The following BLNK variants were observed in gnomAD, a reference collection of about 807,000 sequenced individuals.
BLNK encodes B cell linker.
BLNK carries 29 observed loss-of-function variants against 73.5 expected under a neutral mutation model. That is an observed-to-expected ratio of 0.39 (90% CI 0.29 to 0.54). The LOEUF is 0.54. BLNK is among the 20% of genes least tolerant of loss of function. BLNK has a pLI of 0.61. For missense variants in BLNK, 460 were observed against 562.8 expected (o/e 0.82, Z 1.85); for synonymous variants, 176 against 200.8 (o/e 0.88, Z 1.04).
At chr10:96,202,322 G>T (rs921182423) in intron 13 of BLNK, among the ~76,000 whole-genome samples, 1 of 152,160 alleles carries the variant, frequency 6.6e-6, no homozygotes. Context: ...ACAGCAGAGT[G>T]GGGGAGGCCA....
At position 96,203,368 on chromosome 10, in the gene BLNK, T is replaced by TA. The variant is rs1189445236; in HGVS notation, c.934+688dup. On this transcript the variant is annotated intron_variant, in intron 13 of 16. Coordinates refer to ENST00000224337, the MANE Select transcript of BLNK (RefSeq NM_013314.4). The stretch of plus-strand genomic sequence containing the variant: ...ATTTAAAAAGCCAATTTATGTTTAG[T>TA]AAAAAAAATGCATAAAAATTTTGCA... Among the ~76,000 whole-genome samples, 16 of 152,170 alleles carry TA rather than the reference T, an allele frequency of 1.1e-4. No individual in the cohort carries two copies. In the South Asian group the frequency reaches 1.7e-3, roughly 16 times the overall value.
At chr10:96,204,312 T>C in intron 12 of BLNK, 1 of 704,754 alleles carries the variant, frequency 1.4e-6, no homozygotes, top group Non-Finnish European at 2.4e-6. Context: ...AAGTATTGTA[T>C]TTTAGTCAAG....
intron 8 of BLNK, among the ~76,000 whole-genome samples, chr10:96,213,491 C>T (rs971049170): frequency 9.2e-5 from 14 of 152,168 alleles, no homozygotes; most frequent in Non-Finnish European, 1.9e-4. Context: ...GTGGAGGCCT[C>T]AAGCTGGGCC....
intron 1 of BLNK, among the ~76,000 whole-genome samples, chr10:96,265,634 C>G (rs192940951): frequency 2.6e-5 from 4 of 152,278 alleles, no homozygotes; most frequent in African/African-American, 9.6e-5. Flanking sequence ...CATCCCAGAC[C>G]GGAAACCCAG....
In BLNK at chr10:96,215,360, T is replaced by G. The variant is rs2084039289; in HGVS notation, c.637A>C (p.Asn213His). The G allele has an allele frequency of 6.2e-7, 1 of 1,613,864 alleles. No individual in the cohort carries two copies. The highest frequency in any genetic ancestry group is 1.7e-5 in the Admixed American group (1 of 59,992). Residue 213 changes from asparagine (N) to histidine (H), a missense_variant, in exon 8 of 17, where the codon AAT becomes CAT. Asn to His is a moderately conservative substitution (Grantham distance 68). Around this residue, in one of 3 missense-constraint regions of BLNK, gnomAD observed 233 missense variants for 232.1 expected, o/e 1.00. Transcript: ENST00000224337. ...GGAGGAGAGGCGGGCGTTGAGGAAT[T>G]TGGCTTGGTTGATCTATTCACCATG... The part of the protein sequence containing the change: ...APMVNRSTKP[N>H]SSTPASPPGT...
At position 96,193,662 on chromosome 10, in the gene BLNK, A is replaced by C. The variant is rs146939777; in HGVS notation, c.1252-1570T>G. ...AATTCAGTGTATTTGAGACAGATAC[A>C]TTCAGTGTATTTGTGGACAGAAAAA... On this transcript the variant is annotated intron_variant, in intron 16 of 16. Transcript: ENST00000224337. Among the ~76,000 whole-genome samples the C allele has an allele frequency of 3.9e-3, 595 of 152,372 alleles. 2 individuals are homozygous for C. The highest frequency in any genetic ancestry group is 7.0e-3 in the South Asian group (34 of 4,834).
intron 2 of BLNK, 100 bp from the exon 3 acceptor site, chr10:96,242,884 T>G (rs1272683053): frequency 2.0e-5 from 19 of 967,914 alleles, no homozygotes; most frequent in Non-Finnish European, 3.2e-5. Context: ...AGACAACTAA[T>G]AGCATAATGG....
chr10:96,257,162 G>A (rs921395968), intron 1 of BLNK, among the ~76,000 whole-genome samples: 1 of 152,192 alleles, frequency 6.6e-6, no homozygotes, highest in African/African-American at 2.4e-5. Flanking sequence ...AGGAAAGTAG[G>A]TGTTGAGAGG....
At chr10:96,246,444 C>T (rs1252485921) in intron 2 of BLNK, among the ~76,000 whole-genome samples, 1 of 152,182 alleles carries the variant, frequency 6.6e-6, no homozygotes, top group Admixed American at 6.5e-5. Context: ...CCCAGCTATT[C>T]GCTGGGCCGA....
At chr10:96,252,206 C>G (rs1275160090) in intron 1 of BLNK, among the ~76,000 whole-genome samples, 1 of 152,088 alleles carries the variant, frequency 6.6e-6, no homozygotes, top group African/African-American at 2.4e-5. Flanking sequence ...CACCTGCCAC[C>G]ATGCCGGGCT....
chr10:96,226,481 A>T (rs1266110780), intron 5 of BLNK, among the ~76,000 whole-genome samples: 1 of 152,208 alleles, frequency 6.6e-6, no homozygotes, highest in African/African-American at 2.4e-5. Context: ...TCACAGACAT[A>T]CTTGCTCTCT....
rs1844093147 is a variant in BLNK at position 96,268,074 on chromosome 10, C to G, written c.47+3278G>C. On this transcript the variant is annotated intron_variant, in intron 1 of 16. Coordinates refer to ENST00000224337, the MANE Select transcript of BLNK (RefSeq NM_013314.4). ...TTTTCTAATGGAAAAATGCCATACT[C>G]TTTAATCAATAAGATAACTGGGGAG... Among the ~76,000 whole-genome samples, 8 of 152,232 alleles carry G rather than the reference C, an allele frequency of 5.3e-5. No individual in the cohort carries two copies. In the South Asian group the frequency reaches 8.3e-4, roughly 16 times the overall value.
intron 3 of BLNK, among the ~76,000 whole-genome samples, chr10:96,237,496 A>G (rs587600895): frequency 1.3e-4 from 20 of 152,272 alleles, no homozygotes; most frequent in African/African-American, 4.3e-4. Context: ...TCAGAGCCCA[A>G]GAGTGCAAGA....
In BLNK at chr10:96,209,844, C is replaced by T. The variant is rs781793117; in HGVS notation, c.740G>A (p.Arg247Gln). ...PPPAAPSPLP[R>Q]AGKKPTTPLK... The stretch of plus-strand genomic sequence containing the variant: ...TCCTGCAACAGGTACTTACCCGGCC[C>T]GTGGCAACGGGGATGGTGCAGCTGG... The change falls in exon 9 of 17, where the codon CGG becomes CAG. Residue 247 changes from arginine (R) to glutamine (Q), a missense_variant. Arg to Gln is a conservative substitution (Grantham distance 43). Around this residue, in one of 3 missense-constraint regions of BLNK, gnomAD observed 233 missense variants for 232.1 expected, o/e 1.00. Transcript: ENST00000224337. 15 of 1,614,094 alleles carry T rather than the reference C, an allele frequency of 9.3e-6. No homozygotes were observed. The highest frequency in any genetic ancestry group is 8.5e-6 in the Non-Finnish European group (10 of 1,180,050).
chr10:96,211,102 C>T (rs2083937659), intron 8 of BLNK, among the ~76,000 whole-genome samples: 1 of 152,004 alleles, frequency 6.6e-6, no homozygotes, highest in Non-Finnish European at 1.5e-5. Context: ...GGACTCAATC[C>T]ATCCACCTGC....
At chr10:96,212,603 GCTGTC>G (rs2083974646) in intron 8 of BLNK, among the ~76,000 whole-genome samples, 7 of 152,176 alleles carry the variant, frequency 4.6e-5, no homozygotes, top group Non-Finnish European at 8.8e-5. Flanking sequence ...GACGGCAGGG[GCTGTC>G]ACTGCACCAG....
At chr10:96,215,672 A>G (rs1462478283) in intron 7 of BLNK, among the ~76,000 whole-genome samples, 1 of 152,116 alleles carries the variant, frequency 6.6e-6, no homozygotes, top group Non-Finnish European at 1.5e-5. Flanking sequence ...AATGGCTTTG[A>G]ATTTCATTTG....
At chr10:96,249,418 G>T (rs868944814) in intron 1 of BLNK, among the ~76,000 whole-genome samples, 4 of 152,236 alleles carry the variant, frequency 2.6e-5, no homozygotes, top group Non-Finnish European at 5.9e-5. Context: ...CAGGCCTGTG[G>T]GTGTCCTCTA....
At chr10:96,236,710 C>A (rs1187851751) in intron 3 of BLNK, among the ~76,000 whole-genome samples, 1 of 152,118 alleles carries the variant, frequency 6.6e-6, no homozygotes, top group Non-Finnish European at 1.5e-5. Flanking sequence ...CCTGTGGTCC[C>A]AGCTACTCAG....
Sources: allele counts gnomAD v4.1 joint callset (sites outside exome capture counted in the v4.1 genomes callset), GRCh38; gene constraint gnomAD v4.1.1; regional missense constraint gnomAD v4.1.1; transcripts MANE v1.5; gene names NCBI Gene and HGNC (gene_info 2026-07-23, HGNC 2026-07-21).